The following BICD2 variants were observed in gnomAD, a reference collection of about 807,000 sequenced individuals.
BICD2 encodes protein bicaudal D homolog 2.
Under a neutral mutation model 72.9 loss-of-function variants are expected in BICD2, and 25 were observed. The ratio of observed to expected loss-of-function variants is 0.34; its 90% CI spans 0.25 to 0.48. BICD2 has a LOEUF of 0.48. Ranked by LOEUF, BICD2 falls within the 20% of genes least tolerant of loss-of-function variation. BICD2 has a pLI of 0.99. For missense variants in BICD2, 894 were observed against 1,175.2 expected, an observed-to-expected ratio of 0.76 and a Z score of 3.50; for synonymous variants, 501 against 516.1, an observed-to-expected ratio of 0.97 and a Z score of 0.40.
chr9:92,724,292 T>C (rs983424874), intron 2 of BICD2, among the ~76,000 whole-genome samples: 2 of 152,160 alleles, frequency 1.3e-5, no homozygotes, highest in African/African-American at 4.8e-5. Context: ...ATAGACAAGA[T>C]TCCAAGATCC....
intron 6 of BICD2, among the ~76,000 whole-genome samples, chr9:92,716,817 T>G (rs1265792482): frequency 6.6e-6 from 1 of 152,156 alleles, no homozygotes; most frequent in African/African-American, 2.4e-5. Flanking sequence ...GGGGTCTGAG[T>G]CCCAGCCAGG....
At position 92,719,596 on chromosome 9, in the gene BICD2, G is replaced by A. The variant is rs1853416774; in HGVS notation, c.1063-14C>T. The A allele has an allele frequency of 3.2e-6, 5 of 1,583,810 alleles. No individual in the cohort carries two copies. Among genetic ancestry groups the A allele is most frequent in the Non-Finnish European group, 4.3e-6 (5 of 1,167,956 alleles). On this transcript the variant is annotated splice_polypyrimidine_tract_variant and intron_variant, in intron 4 of 6. Coordinates refer to ENST00000356884, the MANE Select transcript of BICD2 (RefSeq NM_001003800.2). ...TTCCCGCTCCATCTGCAAAGGCACA[G>A]GCAGCAGGACACCATGTCAGTTGCT...
chr9:92,748,924 C>T (rs913379273), intron 1 of BICD2, among the ~76,000 whole-genome samples: 4 of 152,140 alleles, frequency 2.6e-5, no homozygotes, highest in Non-Finnish European at 4.4e-5. Context: ...TAAGGCTTCT[C>T]ACTCCAAAAT....
Position 92,718,774 on chromosome 9 carries a change from G to T in BICD2, c.1871C>A (p.Pro624His). 2 of 1,613,956 alleles carry T rather than the reference G, an allele frequency of 1.2e-6. No individual in the cohort carries two copies. The highest frequency in any genetic ancestry group is 1.7e-6 in the Non-Finnish European group (2 of 1,179,954). The change falls in exon 5 of 7, where the codon CCC becomes CAC. Residue 624 changes from proline (P) to histidine (H), a missense_variant. Pro to His is a moderately conservative substitution (Grantham distance 77). This residue lies in a region of BICD2 where 321 missense variants were observed against 443.9 expected (regional missense o/e 0.72). Coordinates refer to ENST00000356884, the MANE Select transcript of BICD2 (RefSeq NM_001003800.2). ...AGCGATCAGGTTGTAGATGTTCATG[G>T]GCTCCCGGCGTGGGTCACTCAGGGG... ...PSPLSDPRRE[P>H]MNIYNLIAII...
chr9:92,757,012 C>T (rs1023350100), intron 1 of BICD2, among the ~76,000 whole-genome samples: 1 of 152,114 alleles, frequency 6.6e-6, no homozygotes, highest in Non-Finnish European at 1.5e-5. Context: ...TGAAAGGGGA[C>T]AGGACAGGCC....
intron 2 of BICD2, among the ~76,000 whole-genome samples, chr9:92,727,108 G>T (rs192052976): frequency 6.6e-6 from 1 of 152,104 alleles, no homozygotes; most frequent in Non-Finnish European, 1.5e-5. Context: ...ATGTACTGCC[G>T]CTTCAGGATC....
intron 1 of BICD2, among the ~76,000 whole-genome samples, chr9:92,746,076 C>A (rs1227014816): frequency 1.3e-5 from 2 of 152,248 alleles, no homozygotes; most frequent in African/African-American, 4.8e-5. Context: ...CCACTTCCCA[C>A]AATTTATGGA....
In BICD2 at chr9:92,720,691, C is replaced by T. The variant is rs1174675889; in HGVS notation, c.671G>A (p.Ser224Asn). ...GAGGCGGATGGCATCCTCCAGCTGG[C>T]TGTTGAGGTACTCGGTCTCCTCCTC... ...RLEEETEYLN[S>N]QLEDAIRLKE... Residue 224 changes from serine to asparagine, a missense_variant, in exon 4 of 7, where the codon AGC becomes AAC. This residue lies in a region of BICD2 where 371 missense variants were observed against 439.1 expected (regional missense o/e 0.84). Coordinates refer to ENST00000356884, the MANE Select transcript of BICD2 (RefSeq NM_001003800.2). The surrounding 1 kb of genome is among the most constrained non-coding windows in gnomAD (Gnocchi z 5.4). The T allele has an allele frequency of 1.9e-6, 3 of 1,614,160 alleles. No individual in the cohort carries two copies. Among genetic ancestry groups the T allele is most frequent in the South Asian group, 1.1e-5 (1 of 91,088 alleles).
At chr9:92,718,083 T>C in intron 5 of BICD2, 135 bp from the exon 6 acceptor site, 1 of 1,104,824 alleles carries the variant, frequency 9.1e-7, no homozygotes, top group Non-Finnish European at 1.3e-6. Flanking sequence ...GGCCCCTCCC[T>C]GTGACAAACC....
chr9:92,740,539 G>A (rs143202890), intron 1 of BICD2, among the ~76,000 whole-genome samples: 3 of 151,870 alleles, frequency 2.0e-5, no homozygotes, highest in South Asian at 2.1e-4. Context: ...GGGCGGGGAG[G>A]GGGGGCGTTG....
Position 92,764,821 on chromosome 9 carries a change from C to CCGT in BICD2, c.-78_-77insACG. The stretch of plus-strand genomic sequence containing the variant: ...TCCTCAGCCGCCGCCGCTGCCGCCG[C>CCGT]CGCCGCCGCCCTGCCCCGACGGCCG... On this transcript the variant is annotated 5_prime_UTR_variant, in exon 1 of 7. Transcript: ENST00000356884. The surrounding 1 kb of genome is among the most constrained non-coding windows in gnomAD (Gnocchi z 5.5). 1 of 1,129,454 alleles carries CCGT rather than the reference C, an allele frequency of 8.9e-7. No homozygotes were observed. The allele number at this position is 1,129,454 out of a possible 1,614,324, so 70.0% of individuals were successfully genotyped here.
intron 1 of BICD2, among the ~76,000 whole-genome samples, chr9:92,758,634 T>C (rs1324737443): frequency 6.9e-5 from 10 of 144,144 alleles, no homozygotes; most frequent in Middle Eastern, 4.8e-3. Flanking sequence ...GCGGATCACC[T>C]GAGGTCAGGA....
At chr9:92,727,490 A>G (rs1853590357) in intron 2 of BICD2, among the ~76,000 whole-genome samples, 1 of 152,184 alleles carries the variant, frequency 6.6e-6, no homozygotes, top group Non-Finnish European at 1.5e-5. Context: ...AGGCTCAGTG[A>G]AAGGCAAAGC....
At position 92,764,442 on chromosome 9, in the gene BICD2, AG is replaced by A; in HGVS notation, c.240+62del. ...AGCTGACCTTGGCCGCCCTGGTGCC[AG>A]GGACGACGCCCACAGGCCCCGGCGC... On this transcript the variant is annotated intron_variant, in intron 1 of 6. Transcript: ENST00000356884. This position sits in a 1 kb window ranked among gnomAD's most constrained non-coding sequence, Gnocchi z 5.5. 2 of 1,412,956 alleles carry A rather than the reference AG, an allele frequency of 1.4e-6. No individual in the cohort carries two copies. The highest frequency in any genetic ancestry group is 1.9e-4 in the Middle Eastern group (1 of 5,134). The allele number at this position is 1,412,956 out of a possible 1,614,324, so 87.5% of individuals were successfully genotyped here. A position where few individuals can be genotyped will look rare whatever the true frequency, so the allele number is the denominator to read the frequency against.
intron 1 of BICD2, among the ~76,000 whole-genome samples, chr9:92,761,308 C>T (rs1854367871): frequency 6.6e-6 from 1 of 152,152 alleles, no homozygotes; most frequent in Non-Finnish European, 1.5e-5. Flanking sequence ...GAGACAGAGA[C>T]CTGAGTGAGG....
Position 92,720,241 on chromosome 9 carries a change from G to A in BICD2, c.1062+59C>T, listed in dbSNP as rs1051133171. On this transcript the variant is annotated intron_variant, in intron 4 of 6. Coordinates refer to ENST00000356884, the MANE Select transcript of BICD2 (RefSeq NM_001003800.2). This position sits in a 1 kb window ranked among gnomAD's most constrained non-coding sequence, Gnocchi z 5.4. ...GCAGAGTGTCAGGTAAGCACTGCTC[G>A]GGGAGCCCTGCAGACCTGGAGTGGG... 8.0e-6 allele frequency: 12 copies of A among 1,495,244 alleles called. No homozygotes were observed. The highest frequency in any genetic ancestry group is 5.1e-5 in the South Asian group (4 of 78,238). The allele number at this position is 1,495,244 out of a possible 1,614,324, so 92.6% of individuals were successfully genotyped here.
chr9:92,741,726 C>T (rs1457261800), intron 1 of BICD2, among the ~76,000 whole-genome samples: 1 of 152,126 alleles, frequency 6.6e-6, no homozygotes, highest in East Asian at 1.9e-4. Context: ...ATTTGAGTTA[C>T]CCACTCTCCC....
At position 92,713,304 on chromosome 9, in the gene BICD2, TG is replaced by T; in HGVS notation, c.*1849del. On this transcript the variant is annotated 3_prime_UTR_variant, in exon 7 of 7. Transcript: ENST00000356884. ...TTCCTCCCATTAAAAACCTGGGGAATGCTATTTTGAAAAGAATTGCAGTGGC... is the reference window on the plus strand; with the variant it reads ...TTCCTCCCATTAAAAACCTGGGGAATCTATTTTGAAAAGAATTGCAGTGGC... 2.4e-6 allele frequency: 2 copies of T among 821,012 alleles called. No homozygotes were observed. Among genetic ancestry groups the T allele is most frequent in the South Asian group, 3.3e-5 (2 of 61,024 alleles). 50.9% of individuals were successfully genotyped at this position (821,012 alleles called of 1,614,324 possible).
chr9:92,748,565 C>T (rs1272330618), intron 1 of BICD2, among the ~76,000 whole-genome samples: 1 of 152,054 alleles, frequency 6.6e-6, no homozygotes, highest in Non-Finnish European at 1.5e-5. Context: ...CTGTTGACTA[C>T]CTGGGCCCCT....
Sources: allele counts gnomAD v4.1 joint callset (sites outside exome capture counted in the v4.1 genomes callset), GRCh38; gene constraint gnomAD v4.1.1; regional missense constraint gnomAD v4.1.1; non-coding constraint Gnocchi (gnomAD v3.1); transcripts MANE v1.5; gene names NCBI Gene and HGNC (gene_info 2026-07-23, HGNC 2026-07-21).